FRMD4A: variants seen among roughly 807,000 people sequenced by gnomAD.
FRMD4A encodes FERM domain-containing protein 4A.
Under a neutral mutation model 129.1 loss-of-function variants are expected in FRMD4A, and 29 were observed. The observed-to-expected ratio is 0.22, with a 90% CI of 0.17 to 0.31. The LOEUF is 0.31. Among genes scored for constraint, FRMD4A ranks in the 10% least tolerant of loss-of-function variants. The pLI is 1.00. For synonymous variants in FRMD4A, 634 were observed against 571.6 expected, an observed-to-expected ratio of 1.11 and a Z score of -1.56; for missense variants, 1,272 against 1,375.8, an observed-to-expected ratio of 0.92 and a Z score of 1.19.
intron 2 of FRMD4A, among the ~76,000 whole-genome samples, chr10:13,900,466 A>C (rs2094806669): frequency 6.6e-6 from 1 of 152,202 alleles, no homozygotes; most frequent in African/African-American, 2.4e-5. Flanking sequence ...TAATTAAAGT[A>C]CCTTGGAGCC....
In FRMD4A at chr10:13,971,061, C is replaced by T. The variant is rs185237644; in HGVS notation, c.46-112149G>A. Among the ~76,000 whole-genome samples the T allele has an allele frequency of 9.9e-5, 15 of 152,284 alleles. No homozygotes were observed. In the East Asian group the frequency reaches 2.9e-3, roughly 29 times the overall value. On this transcript the variant is annotated intron_variant, in intron 2 of 24. Transcript: ENST00000357447. ...ATTCCCCTTACCAGCTTGTCACCAC[C>T]CCCAACACACAGGTGCACACACATA...
chr10:13,856,992 G>T (rs927964236), intron 3 of FRMD4A, among the ~76,000 whole-genome samples: 1 of 151,996 alleles, frequency 6.6e-6, no homozygotes, highest in Non-Finnish European at 1.5e-5. Flanking sequence ...ATGTTTCTCA[G>T]TTAACGATTC....
chr10:13,664,054 G>A (rs956008348), intron 18 of FRMD4A, among the ~76,000 whole-genome samples: 16 of 152,112 alleles, frequency 1.1e-4, no homozygotes, highest in South Asian at 2.1e-4. Context: ...TCAATTAACC[G>A]GGAGAACACA....
intron 2 of FRMD4A, among the ~76,000 whole-genome samples, chr10:13,963,513 T>C: frequency 6.6e-6 from 1 of 152,172 alleles, no homozygotes; most frequent in East Asian, 1.9e-4. Context: ...ACTGGTTGTA[T>C]GAGCTGTTTG....
chr10:14,043,382 C>T (rs550275119), intron 2 of FRMD4A, among the ~76,000 whole-genome samples: 2 of 152,292 alleles, frequency 1.3e-5, no homozygotes, highest in East Asian at 1.9e-4. Flanking sequence ...TATTTTATAA[C>T]AAGATTAAAT....
chr10:13,982,709 A>G (rs906525507), intron 2 of FRMD4A, among the ~76,000 whole-genome samples: 20 of 152,142 alleles, frequency 1.3e-4, no homozygotes, highest in African/African-American at 4.8e-4. Flanking sequence ...CCCATACTTC[A>G]CTGAACCTAA....
chr10:14,167,192 G>A lies in FRMD4A; in HGVS notation c.45+162866C>T, dbSNP rs368483925. Among the ~76,000 whole-genome samples the A allele has an allele frequency of 2.8e-4, 42 of 152,150 alleles. 1 individual carries two copies. Among genetic ancestry groups the A allele is most frequent in the African/African-American group, 8.9e-4 (37 of 41,510 alleles). ...GAAAGTATGAAATTATCATTTCTCC[G>A]CAGAAAATAAGTACGTCATATATAT... On this transcript the variant is annotated intron_variant, in intron 2 of 24. Coordinates refer to ENST00000357447, the MANE Select transcript of FRMD4A (RefSeq NM_018027.5).
At chr10:14,296,505 T>C (rs956331020) in intron 2 of FRMD4A, among the ~76,000 whole-genome samples, 1 of 152,122 alleles carries the variant, frequency 6.6e-6, no homozygotes, top group Non-Finnish European at 1.5e-5. Context: ...TGCCCTCAGG[T>C]GTCAGCTGGC....
intron 2 of FRMD4A, among the ~76,000 whole-genome samples, chr10:14,228,142 G>A (rs1029150555): frequency 1.3e-5 from 2 of 152,168 alleles, no homozygotes; most frequent in Non-Finnish European, 2.9e-5. Context: ...AAAGTGCTGG[G>A]ATTACAGGTG....
Position 14,245,854 on chromosome 10 carries a change from GCC to G in FRMD4A, c.45+84202_45+84203del, listed in dbSNP as rs1421681161. 2.1e-4 allele frequency among the ~76,000 whole-genome samples: 32 copies of G among 152,132 alleles called. 1 individual carries two copies. The highest frequency in any genetic ancestry group is 2.0e-3 in the Admixed American group (31 of 15,276). ...CAGTCTGTGGTGCTTTATTACGGCA[GCC>G]CAAGCAAACTCATACAAGCTCCTTC... is the stretch of plus-strand genomic sequence containing the variant. On this transcript the variant is annotated intron_variant, in intron 2 of 24. Transcript: ENST00000357447.
At chr10:14,104,633 C>T (rs568458567) in intron 2 of FRMD4A, among the ~76,000 whole-genome samples, 1 of 152,316 alleles carries the variant, frequency 6.6e-6, no homozygotes, top group East Asian at 1.9e-4. Flanking sequence ...GCCAGTGAGA[C>T]ACAAAGCCAA....
intron 2 of FRMD4A, among the ~76,000 whole-genome samples, chr10:14,067,595 G>A (rs184143066): frequency 0.015 from 2,260 of 151,992 alleles, 25 homozygotes; most frequent in East Asian, 0.044. Context: ...GAGGCGGGCG[G>A]ATCACGAGGT....
At chr10:13,839,481 G>T (rs1289212601) in intron 3 of FRMD4A, among the ~76,000 whole-genome samples, 1 of 152,216 alleles carries the variant, frequency 6.6e-6, no homozygotes, top group Admixed American at 6.5e-5. Context: ...GTAATGCAGA[G>T]GGCATCTGTA....
At chr10:14,070,230 CTGTGAGG>C (rs1835256632) in intron 2 of FRMD4A, among the ~76,000 whole-genome samples, 1 of 152,184 alleles carries the variant, frequency 6.6e-6, no homozygotes, top group South Asian at 2.1e-4. Context: ...GCAGGGACCC[CTGTGAGG>C]TGTAATCCAG....
At chr10:14,092,414 T>C (rs1352353673) in intron 2 of FRMD4A, among the ~76,000 whole-genome samples, 1 of 152,220 alleles carries the variant, frequency 6.6e-6, no homozygotes, top group South Asian at 2.1e-4. Flanking sequence ...CTGGGCCGAC[T>C]GGGAGCCCAG....
At chr10:13,760,761 T>C (rs2092038222) in intron 8 of FRMD4A, among the ~76,000 whole-genome samples, 1 of 152,184 alleles carries the variant, frequency 6.6e-6, no homozygotes, top group Admixed American at 6.5e-5. Flanking sequence ...AATTTGCTAA[T>C]TTCCTGTTAA....
At chr10:13,926,477 C>G (rs954858684) in intron 2 of FRMD4A, among the ~76,000 whole-genome samples, 10 of 152,194 alleles carry the variant, frequency 6.6e-5, no homozygotes, top group African/African-American at 1.7e-4. Flanking sequence ...AACACAACAG[C>G]AGTCCCAATG....
intron 2 of FRMD4A, among the ~76,000 whole-genome samples, chr10:14,037,855 A>T (rs1833573338): frequency 6.6e-6 from 1 of 152,228 alleles, no homozygotes; most frequent in African/African-American, 2.4e-5. Flanking sequence ...ATCTCCTTTC[A>T]TAAGCCAAAA....
At chr10:14,279,570 T>A (rs1287456932) in intron 2 of FRMD4A, among the ~76,000 whole-genome samples, 2 of 152,112 alleles carry the variant, frequency 1.3e-5, no homozygotes, top group East Asian at 1.9e-4. Flanking sequence ...TTTTCTCTCT[T>A]TATACTTCTT....
Sources: allele counts gnomAD v4.1 joint callset (sites outside exome capture counted in the v4.1 genomes callset), GRCh38; gene constraint gnomAD v4.1.1; transcripts MANE v1.5; gene names NCBI Gene and HGNC (gene_info 2026-07-23, HGNC 2026-07-21).